Variants in CPVL observed in about 807,000 individuals in gnomAD.
CPVL encodes the protein carboxypeptidase vitellogenic like.
Under a neutral mutation model 63.7 loss-of-function variants are expected in CPVL, and 51 were observed. The observed-to-expected ratio is 0.80, with a 90% CI of 0.64 to 1.01. CPVL has a LOEUF of 1.01. Ranked by LOEUF, CPVL falls within the 50% of genes least tolerant of loss-of-function variation. The pLI, the probability that CPVL is intolerant of heterozygous loss-of-function variation, is 0.00. For synonymous variants in CPVL, 195 were observed against 206.0 expected (o/e 0.95, Z 0.46); for missense variants, 530 against 573.1 (o/e 0.92, Z 0.77).
At chr7:29,192,107 G>C (rs1018051767) in intron 1 of CPVL, 15 of 152,306 alleles carry the variant, frequency 9.8e-5, no homozygotes, top group African/African-American at 3.1e-4. Context: ...GGGTGTCAAA[G>C]TTATAGCTCA....
intron 11 of CPVL, among the ~76,000 whole-genome samples, chr7:29,055,734 G>T (rs920860957): frequency 3.3e-5 from 5 of 152,218 alleles, no homozygotes; most frequent in Non-Finnish European, 5.9e-5. Context: ...CTGGTTCTCA[G>T]GGCCACCCTG....
At chr7:29,031,944 GA>G (rs1179249835) in intron 11 of CPVL, among the ~76,000 whole-genome samples, 2 of 152,068 alleles carry the variant, frequency 1.3e-5, no homozygotes, top group Non-Finnish European at 2.9e-5. Context: ...TACAAAGTTT[GA>G]AAAATGTTAA....
In CPVL at chr7:29,146,521, C is replaced by T; in HGVS notation, c.-103G>A. 1 of 1,480,354 alleles carries T rather than the reference C, an allele frequency of 6.8e-7. No homozygotes were observed. The highest frequency in any genetic ancestry group is 8.9e-7 in the Non-Finnish European group (1 of 1,117,484). 91.7% of individuals were successfully genotyped at this position (1,480,354 alleles called of 1,614,324 possible). A position where few individuals can be genotyped will look rare whatever the true frequency, so the allele number is the denominator to read the frequency against. ...CTTCCCAAATCAGGCAGAAGTGAGG[C>T]AGCCCCACCCAGTCACGAGGACCCT... is the stretch of plus-strand genomic sequence containing the variant. On this transcript the variant is annotated 5_prime_UTR_variant, in exon 1 of 13. Coordinates refer to ENST00000265394, the MANE Select transcript of CPVL (RefSeq NM_031311.5).
intron 5 of CPVL, among the ~76,000 whole-genome samples, chr7:29,180,235 T>C (rs1747109006): frequency 6.6e-6 from 1 of 152,144 alleles, no homozygotes; most frequent in Non-Finnish European, 1.5e-5. Context: ...GTACCAATAG[T>C]GACATCTAGG....
At chr7:29,107,167 C>T (rs1477882365) in intron 3 of CPVL, among the ~76,000 whole-genome samples, 6 of 152,206 alleles carry the variant, frequency 3.9e-5, no homozygotes, top group Non-Finnish European at 8.8e-5. Flanking sequence ...AGTAATATTG[C>T]CCTTTATAAG....
chr7:29,127,415 G>C (rs1238624667), intron 1 of CPVL: 1 of 152,120 alleles, frequency 6.6e-6, no homozygotes, highest in African/African-American at 2.4e-5. Flanking sequence ...AGGAAGGTAA[G>C]GGTTACAAAC....
chr7:29,171,216 G>A (rs751463275), intron 5 of CPVL, among the ~76,000 whole-genome samples: 7 of 152,104 alleles, frequency 4.6e-5, no homozygotes, highest in South Asian at 4.2e-4. Context: ...AAGGAACAGC[G>A]CAGACATCAC....
chr7:29,162,697 G>C (rs1294654335), intron 5 of CPVL, among the ~76,000 whole-genome samples: 1 of 150,732 alleles, frequency 6.6e-6, no homozygotes, highest in African/African-American at 2.4e-5. Context: ...TATGACAAGT[G>C]ACAAAAGCCA....
upstream of CPVL, chr7:29,146,782 C>A (rs774411782): frequency 6.5e-7 from 1 of 1,549,094 alleles, no homozygotes; most frequent in Non-Finnish European, 8.7e-7. Flanking sequence ...GATTTTGTCT[C>A]CCAGTTTTTA....
chr7:29,178,089 C>T (rs1295411950), intron 5 of CPVL, among the ~76,000 whole-genome samples: 4 of 152,152 alleles, frequency 2.6e-5, no homozygotes, highest in Admixed American at 6.5e-5. Flanking sequence ...TCAGATTCTA[C>T]CCTAAGTCTG....
chr7:29,094,010 A>G (rs1032608535), intron 5 of CPVL, among the ~76,000 whole-genome samples: 1 of 152,216 alleles, frequency 6.6e-6, no homozygotes, highest in Admixed American at 6.5e-5. Flanking sequence ...GGAGAGTATC[A>G]CTTTTTGTCC....
chr7:29,078,891 T>C (rs990585896), intron 7 of CPVL, among the ~76,000 whole-genome samples: 1 of 152,208 alleles, frequency 6.6e-6, no homozygotes, highest in African/African-American at 2.4e-5. Context: ...AAATCCATTT[T>C]CAATTCAAAA....
intron 11 of CPVL, among the ~76,000 whole-genome samples, chr7:29,037,744 C>A (rs186066008): frequency 7.9e-4 from 121 of 152,210 alleles, no homozygotes; most frequent in African/African-American, 2.8e-3. Flanking sequence ...GCACCAGGCA[C>A]GCCACTGACT....
At chr7:29,144,417 C>A (rs1400379599) in intron 1 of CPVL, among the ~76,000 whole-genome samples, 1 of 152,056 alleles carries the variant, frequency 6.6e-6, no homozygotes, top group Non-Finnish European at 1.5e-5. Flanking sequence ...AAAAATTAGC[C>A]GGGCATGGTG....
intron 11 of CPVL, among the ~76,000 whole-genome samples, chr7:29,055,561 G>C (rs1790649328): frequency 6.6e-6 from 1 of 152,146 alleles, no homozygotes; most frequent in Non-Finnish European, 1.5e-5. Flanking sequence ...CTACCACTAA[G>C]TTAAGTGTAT....
chr7:29,117,310 C>T (rs1343343850), intron 2 of CPVL, among the ~76,000 whole-genome samples: 3 of 152,194 alleles, frequency 2.0e-5, no homozygotes, highest in Admixed American at 1.3e-4. Context: ...GCAAGAAAGA[C>T]AAGAACAGGA....
At chr7:29,101,211 T>C (rs972429648) in intron 3 of CPVL, among the ~76,000 whole-genome samples, 14 of 152,332 alleles carry the variant, frequency 9.2e-5, no homozygotes, top group African/African-American at 3.4e-4. Context: ...ATTTACAGCA[T>C]TACAAAATTC....
chr7:29,176,584 C>T (rs1253321859), intron 5 of CPVL, among the ~76,000 whole-genome samples: 4 of 152,002 alleles, frequency 2.6e-5, no homozygotes, highest in Non-Finnish European at 5.9e-5. Flanking sequence ...AAAGGGATTA[C>T]TACTAAGACA....
Position 28,995,722 on chromosome 7 carries a change from T to A in CPVL, c.*50A>T. ...CCTATGACATTTTCTGTTTTTACGATTTTCTTTTCAGCAATGAAAACCTCT... is the reference window on the plus strand; with the variant it reads ...CCTATGACATTTTCTGTTTTTACGAATTTCTTTTCAGCAATGAAAACCTCT... On this transcript the variant is annotated 3_prime_UTR_variant, in exon 13 of 13. Coordinates refer to ENST00000265394, the MANE Select transcript of CPVL (RefSeq NM_031311.5). 1 of 1,113,022 alleles carries A rather than the reference T, an allele frequency of 9.0e-7. No homozygotes were observed. The highest frequency in any genetic ancestry group is 1.4e-5 in the South Asian group (1 of 71,000). The allele number at this position is 1,113,022 out of a possible 1,614,324, so 68.9% of individuals were successfully genotyped here.
Sources: gnomAD v4.1 joint callset for allele counts (sites outside exome capture counted in the v4.1 genomes callset) on GRCh38, gnomAD v4.1.1 for gene constraint, MANE v1.5 for transcripts, NCBI Gene and HGNC (gene_info 2026-07-23, HGNC 2026-07-21) for gene names.